The following KANK2 variants were observed in gnomAD, a reference collection of about 807,000 sequenced individuals.
KANK2 encodes the protein KN motif and ankyrin repeat domains 2, also known as KN motif and ankyrin repeat domain-containing protein 2.
KANK2 carries 41 observed loss-of-function variants against 74.6 expected under a neutral mutation model. The ratio of observed to expected loss-of-function variants is 0.55; its 90% confidence interval spans 0.43 to 0.71. The LOEUF is 0.71. KANK2 is among the 30% of genes least tolerant of loss of function. The pLI, the probability that KANK2 is intolerant of heterozygous loss-of-function variation, is 0.00. For synonymous variants in KANK2, 537 were observed against 519.0 expected (o/e 1.03, Z -0.47); for missense variants, 1,148 against 1,196.4 (o/e 0.96, Z 0.60).
At chr19:11,188,453 C>T (rs2078740167) in intron 4 of KANK2, among the ~76,000 whole-genome samples, 1 of 151,308 alleles carries the variant, frequency 6.6e-6, no homozygotes, top group East Asian at 1.9e-4. Flanking sequence ...GATCTGCCCA[C>T]TTTGGCCTCC....
intron 4 of KANK2, among the ~76,000 whole-genome samples, chr19:11,188,025 C>G (rs1016694130): frequency 1.3e-5 from 2 of 151,956 alleles, no homozygotes; most frequent in Admixed American, 1.3e-4. Context: ...CAATAGAGAC[C>G]GTATGACCTG....
intron 4 of KANK2, among the ~76,000 whole-genome samples, chr19:11,182,235 C>A (rs1324045855): frequency 6.6e-6 from 1 of 151,672 alleles, no homozygotes; most frequent in Non-Finnish European, 1.5e-5. Flanking sequence ...ATTTTATGTT[C>A]TATCTATGTT....
chr19:11,172,823 CCTT>C (rs1430684225), intron 10 of KANK2, among the ~76,000 whole-genome samples, 155 bp downstream of exon 10: 5 of 152,268 alleles, frequency 3.3e-5, no homozygotes, highest in South Asian at 2.1e-4. Flanking sequence ...ATCCTCTACT[CCTT>C]CTAGTTTCCA....
chr19:11,182,986 A>C (rs2078573169), intron 4 of KANK2, among the ~76,000 whole-genome samples: 1 of 152,186 alleles, frequency 6.6e-6, no homozygotes, highest in South Asian at 2.1e-4. Context: ...TTAGACTTGG[A>C]ATGCTAGCAT....
intron 4 of KANK2, among the ~76,000 whole-genome samples, chr19:11,180,703 A>T (rs1482395779): frequency 6.6e-6 from 1 of 152,130 alleles, no homozygotes; most frequent in African/African-American, 2.4e-5. Context: ...CTTGGCAATA[A>T]ATTCACGTGA....
rs577562191 is a variant in KANK2 at position 11,191,334 on chromosome 19, C to T, written c.1249+1497G>A. ...GATTACAGGCGTGAGCCACTGCGCC[C>T]GGCCCAGCTGTCATTATTATGAGTC... is the stretch of plus-strand genomic sequence containing the variant. On this transcript the variant is annotated intron_variant, in intron 4 of 12. Coordinates refer to ENST00000586659, the MANE Select transcript of KANK2 (RefSeq NM_001136191.3). 1.2e-4 allele frequency among the ~76,000 whole-genome samples: 19 copies of T among 152,362 alleles called. No individual in the cohort carries two copies. In the East Asian group the frequency reaches 1.5e-3, roughly 12 times the overall value.
chr19:11,168,026 T>C (rs2078072562), intron 12 of KANK2, among the ~76,000 whole-genome samples: 1 of 128,122 alleles, frequency 7.8e-6, no homozygotes, highest in African/African-American at 2.9e-5. Flanking sequence ...TTTTTTTTTT[T>C]CTTTGAGACA....
chr19:11,166,563 C>T lies in KANK2; in HGVS notation c.2551G>A (p.Glu851Lys). Residue 851 changes from glutamate (E) to lysine (K), a missense_variant, in exon 13 of 13, where the codon GAG becomes AAG. Coordinates refer to ENST00000586659, the MANE Select transcript of KANK2 (RefSeq NM_001136191.3). ...GGTCCCCGCCTCCCTCACGGCTACTCTTCTGCCGAGGATGATGTAGGGCTC... is the reference window on the plus strand; with the variant it reads ...GGTCCCCGCCTCCCTCACGGCTACTTTTCTGCCGAGGATGATGTAGGGCTC... ...DESPTSSSAEE is the reference protein window; with the variant it reads ...DESPTSSSAEK 3.1e-6 allele frequency: 5 copies of T among 1,614,136 alleles called. No individual in the cohort carries two copies. The Admixed American group carries it at 5.0e-5, about 16-fold the overall frequency.
intron 10 of KANK2, among the ~76,000 whole-genome samples, chr19:11,171,342 TG>T (rs1190386650): frequency 6.6e-6 from 1 of 151,948 alleles, no homozygotes; most frequent in Non-Finnish European, 1.5e-5. Flanking sequence ...AGCTACTTGG[TG>T]GCCTGAGGTT....
intron 4 of KANK2, among the ~76,000 whole-genome samples, chr19:11,181,251 ATTATTATTATTATTT>A (rs2078509845): frequency 6.6e-6 from 1 of 150,406 alleles, no homozygotes; most frequent in East Asian, 1.9e-4. Flanking sequence ...TATTATTATT[ATTATTATTATTATTT>A]GATACAGTCT....
intron 1 of KANK2, 59 bp from the exon 2 acceptor site, chr19:11,195,879 C>T (rs1217678347): frequency 6.6e-6 from 1 of 152,008 alleles, no homozygotes; most frequent in Non-Finnish European, 1.5e-5. Flanking sequence ...TGGAGGCTCA[C>T]CCCTGAGCAA....
chr19:11,169,383 C>T (rs1469040896), intron 12 of KANK2, among the ~76,000 whole-genome samples: 2 of 152,254 alleles, frequency 1.3e-5, no homozygotes, highest in East Asian at 3.9e-4. Context: ...TGACGTGCGC[C>T]TGTAGTCCCA....
Position 11,193,569 on chromosome 19 carries a change from T to C in KANK2, c.511A>G (p.Ser171Gly), listed in dbSNP as rs765257924. The C allele has an allele frequency of 4.0e-5, 64 of 1,591,294 alleles. 1 individual carries two copies. The highest frequency in any genetic ancestry group is 1.7e-4 in the Middle Eastern group (1 of 5,914). ...GVGLPPPTPR[S>G]SGLSTPVPPS... ...GGCACCGGTGTGGACAGTCCTGAAC[T>C]CCGTGGTGTCGGGGGTGGCAACCCC... is the stretch of plus-strand genomic sequence containing the variant. The change falls in exon 4 of 13, where the codon AGT (serine) becomes GGT (glycine). Residue 171 changes from serine to glycine, a missense_variant. Transcript: ENST00000586659. The surrounding 1 kb of genome is among the most constrained non-coding windows in gnomAD (Gnocchi z 9.6).
intron 4 of KANK2, among the ~76,000 whole-genome samples, chr19:11,187,625 A>T (rs554173619): frequency 6.6e-6 from 1 of 152,320 alleles, no homozygotes; most frequent in South Asian, 2.1e-4. Context: ...GTGAAATAGA[A>T]ATTTCAGGGT....
intron 4 of KANK2, among the ~76,000 whole-genome samples, chr19:11,190,879 G>A (rs1004588983): frequency 6.7e-6 from 1 of 150,128 alleles, no homozygotes; most frequent in African/African-American, 2.5e-5. Context: ...TACAGGTGCC[G>A]GCCACCACGC....
Position 11,176,595 on chromosome 19 carries a change from G to T in KANK2, c.1743C>A (p.Asn581Lys). ...IPTAEGASGS[N>K]TEEEIRMELS... The stretch of plus-strand genomic sequence containing the variant: ...AAACTGACCTGATCTCCTCCTCCGT[G>T]TTTGATCCTGATGCCCCCTCAGCAG... The change falls in exon 7 of 13, where the codon AAC becomes AAA. Residue 581 changes from asparagine to lysine, a missense_variant. By Grantham distance (94) the Asn-to-Lys change is moderately conservative. Transcript: ENST00000586659. 3 of 1,596,764 alleles carry T rather than the reference G, an allele frequency of 1.9e-6. No individual in the cohort carries two copies. The highest frequency in any genetic ancestry group is 2.6e-6 in the Non-Finnish European group (3 of 1,170,288).
chr19:11,194,413 C>G lies in KANK2; in HGVS notation c.37+62G>C. ...AAGTCCCCAGGGCAAGGTCCCCAGCCCCCTCAGGCCTCCAGAACTGAAGCT... is the reference window on the plus strand; with the variant it reads ...AAGTCCCCAGGGCAAGGTCCCCAGCGCCCTCAGGCCTCCAGAACTGAAGCT... On this transcript the variant is annotated intron_variant, in intron 3 of 12. Coordinates refer to ENST00000586659, the MANE Select transcript of KANK2 (RefSeq NM_001136191.3). 3.7e-6 allele frequency: 5 copies of G among 1,367,522 alleles called. No homozygotes were observed. In the South Asian group the frequency reaches 5.8e-5, roughly 16 times the overall value. The allele number at this position is 1,367,522 out of a possible 1,614,324, so 84.7% of individuals were successfully genotyped here.
intron 12 of KANK2, among the ~76,000 whole-genome samples, chr19:11,166,861 C>A (rs2078037413): frequency 6.6e-6 from 1 of 152,108 alleles, no homozygotes; most frequent in African/African-American, 2.4e-5. Context: ...AGGGTGAGTT[C>A]TCAGCTGACT....
At position 11,169,945 on chromosome 19, in the gene KANK2, C is replaced by T; in HGVS notation, c.2434G>A (p.Val812Met). 1 of 1,614,206 alleles carries T rather than the reference C, an allele frequency of 6.2e-7. No homozygotes were observed. The highest frequency in any genetic ancestry group is 8.5e-7 in the Non-Finnish European group (1 of 1,180,018). ...TDRDGSTALM[V>M]ALDAGQSEIA... is the part of the protein sequence containing the mutation. ...TCACTCTGCCCTGCGTCCAAGGCCA[C>T]CATCAGAGCTGTGCTCCCATCCTGC... The change falls in exon 12 of 13, where the codon GTG becomes ATG. Residue 812 changes from valine to methionine, a missense_variant. Transcript: ENST00000586659.
Sources: gnomAD v4.1 joint callset for allele counts (sites outside exome capture counted in the v4.1 genomes callset) on GRCh38, gnomAD v4.1.1 for gene constraint, Gnocchi (gnomAD v3.1) non-coding constraint, MANE v1.5 for transcripts, NCBI Gene and HGNC (gene_info 2026-07-23, HGNC 2026-07-21) for gene names.